Variants in TTLL5 observed in about 807,000 individuals in gnomAD.
TTLL5 encodes tubulin tyrosine ligase like 5.
A neutral mutation model predicts 168.4 loss-of-function variants in TTLL5; 132 were observed. That is an observed-to-expected ratio of 0.78 (90% CI 0.68 to 0.91). The LOEUF (loss-of-function observed/expected upper bound fraction) is 0.91. TTLL5 is among the 40% of genes least tolerant of loss of function. The probability of loss-of-function intolerance (pLI) is 0.00; values close to 1 mark genes in which losing one functional copy is unlikely to be tolerated. For synonymous variants in TTLL5, 546 were observed against 558.6 expected (o/e 0.98, Z 0.32); for missense variants, 1,545 against 1,581.5 (o/e 0.98, Z 0.39).
At chr14:75,841,207 A>C (rs1051251708) in intron 28 of TTLL5, among the ~76,000 whole-genome samples, 5 of 152,230 alleles carry the variant, frequency 3.3e-5, no homozygotes, top group Admixed American at 1.3e-4. Flanking sequence ...GGAGGGGACA[A>C]ACAGCCAAAC....
At chr14:75,847,930 G>A (rs1362638597) in intron 28 of TTLL5, among the ~76,000 whole-genome samples, 1 of 150,892 alleles carries the variant, frequency 6.6e-6, no homozygotes, top group East Asian at 1.9e-4. Context: ...TAAGAGAAAG[G>A]CTTAATTATA....
At chr14:75,914,046 A>ATATATATATC in intron 31 of TTLL5, among the ~76,000 whole-genome samples, 1 of 122,300 alleles carries the variant, frequency 8.2e-6, no homozygotes, top group Non-Finnish European at 1.6e-5. Context: ...ATATATATAT[A>ATATATATATC]TATATATATT....
chr14:75,898,201 T>C (rs914100317), intron 30 of TTLL5, among the ~76,000 whole-genome samples: 6 of 152,220 alleles, frequency 3.9e-5, no homozygotes, highest in Admixed American at 3.3e-4. Flanking sequence ...AGAAATTGAT[T>C]GTAATTTCAA....
intron 24 of TTLL5, among the ~76,000 whole-genome samples, chr14:75,781,306 G>A (rs566148928): frequency 6.6e-6 from 1 of 152,318 alleles, no homozygotes; most frequent in Admixed American, 6.5e-5. Context: ...GGCGGGGGCA[G>A]TAGGAAGACG....
intron 28 of TTLL5, chr14:75,838,106 C>G (rs747127836): frequency 2.0e-5 from 3 of 151,880 alleles, no homozygotes; most frequent in Non-Finnish European, 2.9e-5. Flanking sequence ...TTTATTTTTC[C>G]TATATAAAAG....
intron 31 of TTLL5, among the ~76,000 whole-genome samples, chr14:75,935,891 A>AT (rs527750573): frequency 7.3e-5 from 11 of 150,210 alleles, no homozygotes; most frequent in South Asian, 4.2e-4. Context: ...AATCTTTTGT[A>AT]TTTTTTTTTT....
intron 31 of TTLL5, among the ~76,000 whole-genome samples, chr14:75,933,873 T>G (rs958071586): frequency 6.6e-6 from 1 of 152,210 alleles, no homozygotes; most frequent in African/African-American, 2.4e-5. Flanking sequence ...ACCAGGTATT[T>G]GCACACATAG....
chr14:75,722,844 C>T (rs1056793353), intron 12 of TTLL5, among the ~76,000 whole-genome samples: 1 of 152,064 alleles, frequency 6.6e-6, no homozygotes, highest in East Asian at 1.9e-4. Flanking sequence ...CCTGTTTTAC[C>T]GTGTGTCTGA....
At position 75,902,145 on chromosome 14, in the gene TTLL5, G is replaced by GT; in HGVS notation, c.3745dup (p.Ser1249PhefsTer15). On this transcript the variant is annotated frameshift_variant, in exon 31 of 32. Coordinates refer to ENST00000298832, the MANE Select transcript of TTLL5 (RefSeq NM_015072.5). LOFTEE classifies it high-confidence loss of function. ...ACCAAGCTCCTTTGTGTTTCAGAGG[G>GT]TCCTCCGCGGAAGGGCAGCTGAATG... 5 of 1,614,108 alleles carry GT rather than the reference G, an allele frequency of 3.1e-6. No homozygotes were observed. The highest frequency in any genetic ancestry group is 4.2e-6 in the Non-Finnish European group (5 of 1,180,006).
chr14:75,678,451 A>T (rs1345807909), intron 3 of TTLL5, among the ~76,000 whole-genome samples: 2 of 152,124 alleles, frequency 1.3e-5, no homozygotes, highest in Non-Finnish European at 2.9e-5. Context: ...ATCTATGCAG[A>T]TTTCCCCATT....
intron 20 of TTLL5, among the ~76,000 whole-genome samples, chr14:75,770,439 A>T (rs1391629515): frequency 1.3e-5 from 2 of 152,112 alleles, no homozygotes; most frequent in Non-Finnish European, 2.9e-5. Context: ...CCTACCTCCT[A>T]ACCTTGTGAA....
At chr14:75,939,589 A>G (rs1405702629) in intron 31 of TTLL5, among the ~76,000 whole-genome samples, 3 of 152,100 alleles carry the variant, frequency 2.0e-5, no homozygotes, top group Non-Finnish European at 2.9e-5. Context: ...GAGTTTCTCT[A>G]TGTTGCCCAG....
At chr14:75,761,240 A>G (rs1890626727) in intron 18 of TTLL5, among the ~76,000 whole-genome samples, 1 of 152,178 alleles carries the variant, frequency 6.6e-6, no homozygotes, top group Non-Finnish European at 1.5e-5. Context: ...AATGGTGGTA[A>G]GGATGTGGAA....
At chr14:75,902,524 T>C (rs764625469) in intron 31 of TTLL5, 2 of 558,862 alleles carry the variant, frequency 3.6e-6, no homozygotes, top group Non-Finnish European at 6.8e-6. Context: ...TCACTGTCTA[T>C]GTTGTATTTC....
At chr14:75,880,268 T>G (rs1595196800) in intron 29 of TTLL5, among the ~76,000 whole-genome samples, 1 of 152,346 alleles carries the variant, frequency 6.6e-6, no homozygotes, top group East Asian at 1.9e-4. Context: ...TCACTCATTA[T>G]TTCATTTGTA....
At chr14:75,716,388 G>T (rs929430960) in intron 9 of TTLL5, among the ~76,000 whole-genome samples, 24 of 151,878 alleles carry the variant, frequency 1.6e-4, no homozygotes, top group South Asian at 1.0e-3. Context: ...TGGGTTTGGG[G>T]TTTTTTTTCT....
chr14:75,889,673 A>G (rs545432912), intron 30 of TTLL5, among the ~76,000 whole-genome samples: 38 of 152,112 alleles, frequency 2.5e-4, no homozygotes, highest in African/African-American at 7.9e-4. Context: ...ACCAAAATAT[A>G]CAAAAATTAG....
Position 75,819,965 on chromosome 14 carries a change from A to C in TTLL5, c.3172-42A>C. On this transcript the variant is annotated intron_variant, in intron 27 of 31. Coordinates refer to ENST00000298832, the MANE Select transcript of TTLL5 (RefSeq NM_015072.5). ...ATATGTTGTTAATGATGCTTTTTAA[A>C]AACTCTGTAAAGTCAGGTTATTTCC... The C allele has an allele frequency of 1.3e-6, 2 of 1,553,796 alleles. 1 individual carries two copies. Among genetic ancestry groups the C allele is most frequent in the South Asian group, 2.5e-5 (2 of 80,828 alleles).
intron 9 of TTLL5, among the ~76,000 whole-genome samples, chr14:75,713,631 G>T (rs893608367): frequency 1.8e-4 from 27 of 152,168 alleles, no homozygotes; most frequent in African/African-American, 5.8e-4. Flanking sequence ...ATATGTGATG[G>T]TCTAAATCAA....
Sources: allele counts gnomAD v4.1 joint callset (sites outside exome capture counted in the v4.1 genomes callset), GRCh38; gene constraint gnomAD v4.1.1; transcripts MANE v1.5; gene names NCBI Gene and HGNC (gene_info 2026-07-23, HGNC 2026-07-21).